PIGX: variants seen among roughly 807,000 people sequenced by gnomAD.
PIGX encodes the protein GPI alpha-1,4-mannosyltransferase I, stabilizing subunit.
Under a neutral mutation model 28.7 loss-of-function variants are expected in PIGX, and 24 were observed. That is an observed-to-expected ratio of 0.84 (90% CI 0.60 to 1.17). The LOEUF (loss-of-function observed/expected upper bound fraction) is 1.17. Ranked by LOEUF, PIGX falls within the 50% of genes most tolerant of loss-of-function variation. PIGX has a pLI of 0.00. For synonymous variants in PIGX, 127 were observed against 121.0 expected (o/e 1.05, Z -0.33); for missense variants, 305 against 317.8 (o/e 0.96, Z 0.31).
chr3:196,712,795 C>T, intron 1 of PIGX, 151 bp downstream of exon 1: 1 of 1,108,272 alleles, frequency 9.0e-7, no homozygotes, highest in Non-Finnish European at 1.1e-6. Context: ...GTGTGCCCTC[C>T]TTCCCTCCCG....
chr3:196,721,833 C>T (rs1013770850), intron 2 of PIGX, among the ~76,000 whole-genome samples: 4 of 151,826 alleles, frequency 2.6e-5, no homozygotes, highest in African/African-American at 7.3e-5. Flanking sequence ...GTTCATTGCA[C>T]CCTCCACCTC....
intron 1 of PIGX, chr3:196,713,261 T>C: frequency 4.2e-6 from 1 of 239,982 alleles, no homozygotes; most frequent in Non-Finnish European, 6.7e-6. Flanking sequence ...TGTGTTTACA[T>C]ATTGGGTTTT....
At chr3:196,728,670 C>T in intron 4 of PIGX, 1 of 766,354 alleles carries the variant, frequency 1.3e-6, no homozygotes, top group Non-Finnish European at 2.4e-6. Context: ...ACTCATGTTC[C>T]TCATACTTCT....
intron 3 of PIGX, among the ~76,000 whole-genome samples, chr3:196,726,253 T>C (rs1712517012): frequency 6.6e-6 from 1 of 152,150 alleles, no homozygotes; most frequent in African/African-American, 2.4e-5. Context: ...ATCATGCCAC[T>C]GCACTCCAGC....
Position 196,728,290 on chromosome 3 carries a change from T to C in PIGX, c.532+154T>C. The C allele has an allele frequency of 8.1e-6, 5 of 614,582 alleles. 1 individual carries two copies. In the South Asian group the frequency reaches 1.0e-4, roughly 12 times the overall value. 38.1% of individuals were successfully genotyped at this position (614,582 alleles called of 1,614,324 possible). A position where few individuals can be genotyped will look rare whatever the true frequency, so the allele number is the denominator to read the frequency against. On this transcript the variant is annotated intron_variant, in intron 4 of 5. Coordinates refer to ENST00000392391, the MANE Select transcript of PIGX (RefSeq NM_017861.4). ...TTTGCCTTATAATAATTCACTAAAC[T>C]ATGTATTTGAGTAGATTTTTATGTG... is the stretch of plus-strand genomic sequence containing the variant.
chr3:196,733,848 G>A lies in PIGX; in HGVS notation c.723G>A (p.Leu241=), dbSNP rs1363753875. The A allele has an allele frequency of 6.2e-7, 1 of 1,603,488 alleles. No homozygotes were observed. Among genetic ancestry groups the A allele is most frequent in the Non-Finnish European group, 8.5e-7 (1 of 1,170,428 alleles). ...CTGTGACTCTGCTCATTACAATCCT[G>A]TGCTCTACATTGATCCTTGTAGCAG... Residue 241 remains leucine, a synonymous_variant, in exon 6 of 6, where the codon CTG becomes CTA. Transcript: ENST00000392391. The surrounding 1 kb of genome is among the most constrained non-coding windows in gnomAD (Gnocchi z 4.3).
At chr3:196,715,186 G>C (rs1577668222) in intron 1 of PIGX, among the ~76,000 whole-genome samples, 1 of 152,194 alleles carries the variant, frequency 6.6e-6, no homozygotes. Context: ...AAGATCATAT[G>C]CTTCTCCAAA....
intron 1 of PIGX, among the ~76,000 whole-genome samples, chr3:196,716,148 C>G (rs1001840520): frequency 2.6e-5 from 4 of 152,186 alleles, no homozygotes; most frequent in Non-Finnish European, 5.9e-5. Context: ...GCTGGCACAC[C>G]TGGCTCAGAG....
At chr3:196,729,332 CAA>C (rs111948563) in intron 4 of PIGX, among the ~76,000 whole-genome samples, 3 of 148,762 alleles carry the variant, frequency 2.0e-5, no homozygotes, top group African/African-American at 5.0e-5. Flanking sequence ...GACTGCGTCT[CAA>C]AAAAAAAATA....
At chr3:196,731,326 C>T (rs560418614) in intron 5 of PIGX, among the ~76,000 whole-genome samples, 8 of 152,122 alleles carry the variant, frequency 5.3e-5, no homozygotes, top group African/African-American at 1.2e-4. Context: ...TCTAGGTGCC[C>T]GCCACCACAC....
intron 5 of PIGX, among the ~76,000 whole-genome samples, chr3:196,732,799 T>C (rs546148409): frequency 1.3e-5 from 2 of 152,210 alleles, no homozygotes; most frequent in South Asian, 2.1e-4. Context: ...TTACGTACAT[T>C]TTAATGTTTT....
rs995452240 is a variant in PIGX at position 196,735,903 on chromosome 3, T to C, written c.*2001T>C. On this transcript the variant is annotated 3_prime_UTR_variant, in exon 6 of 6. Coordinates refer to ENST00000392391, the MANE Select transcript of PIGX (RefSeq NM_017861.4). ...TGTTTTTGCTCATCACAACCAGGTT[T>C]CATCAGTATTTAAAATATTTAAGAT... is the stretch of plus-strand genomic sequence containing the variant. The C allele has an allele frequency of 6.6e-6, 1 of 152,190 alleles. No homozygotes were observed. The highest frequency in any genetic ancestry group is 1.5e-5 in the Non-Finnish European group (1 of 68,030). The allele number at this position is 152,190 out of a possible 1,614,324, so 9.4% of individuals were successfully genotyped here. A position where few individuals can be genotyped will look rare whatever the true frequency, so the allele number is the denominator to read the frequency against.
At chr3:196,726,685 C>T (rs537419301) in intron 3 of PIGX, 5 of 456,504 alleles carry the variant, frequency 1.1e-5, no homozygotes, top group South Asian at 6.2e-5. Context: ...GCTATGGTTG[C>T]CTTCTGATAA....
chr3:196,729,206 G>A (rs756914613), intron 4 of PIGX, among the ~76,000 whole-genome samples: 23 of 151,982 alleles, frequency 1.5e-4, no homozygotes, highest in Admixed American at 2.6e-4. Context: ...GGTGGCGGGC[G>A]TCTGTAATCC....
At position 196,722,397 on chromosome 3, in the gene PIGX, A is replaced by T; in HGVS notation, c.177-18A>T. ...CAGTTGAATGAAGAGATTTACTTTC[A>T]ATGTACTTGTCTTACAGAGACCTTT... On this transcript the variant is annotated intron_variant, in intron 2 of 5. Transcript: ENST00000392391. 1 of 1,583,090 alleles carries T rather than the reference A, an allele frequency of 6.3e-7. No homozygotes were observed. The highest frequency in any genetic ancestry group is 8.6e-7 in the Non-Finnish European group (1 of 1,157,356).
At chr3:196,714,033 A>C (rs570058802) in intron 1 of PIGX, among the ~76,000 whole-genome samples, 2 of 152,304 alleles carry the variant, frequency 1.3e-5, no homozygotes, top group Admixed American at 1.3e-4. Flanking sequence ...CTCCGGTCCC[A>C]ATGATCAACT....
At position 196,728,679 on chromosome 3, in the gene PIGX, C is replaced by G. The variant is rs757438823; in HGVS notation, c.532+543C>G. The G allele has an allele frequency of 3.1e-5, 24 of 766,284 alleles. No homozygotes were observed. The South Asian group carries it at 3.2e-4, about 10-fold the overall frequency. The allele number at this position is 766,284 out of a possible 1,614,324, so 47.5% of individuals were successfully genotyped here. The stretch of plus-strand genomic sequence containing the variant: ...AATTGGACTCATGTTCCTCATACTT[C>G]TTTATTTACTGGAAATTGGCAGCTG... On this transcript the variant is annotated intron_variant, in intron 4 of 5. Coordinates refer to ENST00000392391, the MANE Select transcript of PIGX (RefSeq NM_017861.4).
At chr3:196,726,663 T>C in intron 3 of PIGX, 1 of 456,476 alleles carries the variant, frequency 2.2e-6, no homozygotes. Flanking sequence ...AGGAGAAGAC[T>C]TCATGGCGGC....
In PIGX at chr3:196,731,087, A is replaced by G. The variant is rs574821838; in HGVS notation, c.628A>G (p.Lys210Glu). The change falls in exon 5 of 6, where the codon AAA (lysine) becomes GAA (glutamate). Residue 210 changes from lysine to glutamate, a missense_variant. Physicochemically the swap from Lys to Glu is moderately conservative, Grantham distance 56. Coordinates refer to ENST00000392391, the MANE Select transcript of PIGX (RefSeq NM_017861.4). ...CTGCCAATGGAACAAGATGAAGTAT[A>G]AATCAGTAAGCTAATGTTTTATGTT... 1.5e-4 allele frequency: 225 copies of G among 1,550,048 alleles called. No individual in the cohort carries two copies. The highest frequency in any genetic ancestry group is 1.2e-3 in the South Asian group (108 of 89,622).
Sources: gnomAD v4.1 joint callset for allele counts (sites outside exome capture counted in the v4.1 genomes callset) on GRCh38, gnomAD v4.1.1 for gene constraint, Gnocchi (gnomAD v3.1) non-coding constraint, MANE v1.5 for transcripts, NCBI Gene and HGNC (gene_info 2026-07-23, HGNC 2026-07-21) for gene names.